CNBD1: variants seen among roughly 807,000 people sequenced by gnomAD.
CNBD1 encodes the protein cyclic nucleotide-binding domain-containing protein 1.
CNBD1 carries 71 observed loss-of-function variants against 54.4 expected under a neutral mutation model. That is an observed-to-expected ratio of 1.30 (90% CI 1.08 to 1.59). CNBD1 has a LOEUF of 1.59. Ranked by LOEUF, CNBD1 falls within the 40% of genes most tolerant of loss-of-function variation. CNBD1 has a pLI of 0.00. For synonymous variants in CNBD1, 182 were observed against 170.7 expected (o/e 1.07, Z -0.51); for missense variants, 659 against 518.0 (o/e 1.27, Z -2.64).
chr8:87,007,552 G>C (rs2130555030), intron 4 of CNBD1, among the ~76,000 whole-genome samples: 1 of 152,016 alleles, frequency 6.6e-6, no homozygotes, highest in South Asian at 2.1e-4. Context: ...ACTAAGATAA[G>C]TTTTCTTTGT....
intron 4 of CNBD1, among the ~76,000 whole-genome samples, chr8:86,965,860 T>C (rs568487710): frequency 1.3e-5 from 2 of 152,166 alleles, no homozygotes; most frequent in African/African-American, 4.8e-5. Flanking sequence ...CGTGGAGCCT[T>C]CAGTTCTCAA....
intron 2 of CNBD1, among the ~76,000 whole-genome samples, chr8:87,390,233 C>A (rs932812982): frequency 1.6e-4 from 24 of 151,992 alleles, no homozygotes; most frequent in Non-Finnish European, 2.8e-4. Flanking sequence ...GCAACAAAAG[C>A]CAAAATTGAC....
intron 4 of CNBD1, among the ~76,000 whole-genome samples, chr8:86,962,796 CA>C (rs1196243362): frequency 6.9e-6 from 1 of 145,908 alleles, no homozygotes; most frequent in Admixed American, 6.8e-5. Context: ...AAAAAAAACA[CA>C]AAAAACAAAA....
intron 4 of CNBD1, among the ~76,000 whole-genome samples, chr8:87,120,844 G>A (rs1811875165): frequency 6.6e-6 from 1 of 151,878 alleles, no homozygotes; most frequent in African/African-American, 2.4e-5. Context: ...ATGTTAATGA[G>A]AGCTATTAGT....
chr8:87,177,759 A>G (rs532571090), intron 4 of CNBD1, among the ~76,000 whole-genome samples: 1 of 152,100 alleles, frequency 6.6e-6, no homozygotes. Flanking sequence ...GTTCTTATTA[A>G]TTGATAATGT....
In CNBD1 at chr8:87,263,831, A is replaced by G. The variant is rs1049716588; in HGVS notation, c.772-20847A>G. On this transcript the variant is annotated intron_variant, in intron 6 of 10. Transcript: ENST00000518476. ...ATTAAATGTAAAACATTAGCAGGCA[A>G]CAGAGAAGATATACTAAGAGGAAAT... Among the ~76,000 whole-genome samples the G allele has an allele frequency of 6.6e-5, 10 of 152,140 alleles. 1 individual carries two copies. The highest frequency in any genetic ancestry group is 6.6e-4 in the Admixed American group (10 of 15,252).
chr8:87,395,565 G>T (rs192121648), intron 2 of CNBD1, among the ~76,000 whole-genome samples: 38 of 151,886 alleles, frequency 2.5e-4, no homozygotes, highest in African/African-American at 8.4e-4. Flanking sequence ...TAAAACAGTG[G>T]TACTAAACCT....
chr8:87,286,770 TATAA>T (rs2130871656), intron 8 of CNBD1, 99 bp downstream of exon 8: 5 of 794,262 alleles, frequency 6.3e-6, no homozygotes, highest in South Asian at 3.5e-5. Flanking sequence ...TATTTCTTCA[TATAA>T]ATATTCTCTA....
At chr8:87,278,051 T>C (rs1808520314) in intron 6 of CNBD1, among the ~76,000 whole-genome samples, 1 of 151,408 alleles carries the variant, frequency 6.6e-6, no homozygotes. Context: ...AATTAATAAC[T>C]CAATAGATGT....
At chr8:86,980,002 A>G (rs556358223) in intron 4 of CNBD1, among the ~76,000 whole-genome samples, 2 of 152,346 alleles carry the variant, frequency 1.3e-5, no homozygotes, top group East Asian at 3.9e-4. Context: ...TGCTAATTTA[A>G]GTGATTTTGT....
chr8:87,320,851 G>T (rs1329643015), intron 8 of CNBD1, among the ~76,000 whole-genome samples: 1 of 151,876 alleles, frequency 6.6e-6, no homozygotes, highest in African/African-American at 2.4e-5. Context: ...TATATTCATT[G>T]CACAGCAATT....
At chr8:87,346,053 G>A (rs369058945) in intron 8 of CNBD1, among the ~76,000 whole-genome samples, 3 of 146,182 alleles carry the variant, frequency 2.1e-5, no homozygotes, top group East Asian at 2.0e-4. Context: ...TCTTTTTTTT[G>A]TGGGGGGGAC....
chr8:87,089,046 G>T (rs954459874), intron 4 of CNBD1, among the ~76,000 whole-genome samples: 1 of 152,102 alleles, frequency 6.6e-6, no homozygotes, highest in African/African-American at 2.4e-5. Context: ...AACTAGTTGG[G>T]CTAGGCTTTA....
Position 86,939,703 on chromosome 8 carries a change from CA to C in CNBD1, c.385del (p.Arg129GlufsTer10). On this transcript the variant is annotated frameshift_variant, in exon 4 of 11. Transcript: ENST00000518476. LOFTEE classifies it high-confidence loss of function. ...CATGGTGGCCATATTTTATATAGACCAAAAAGAGCCACAGAGAAATTTGAAG... is the reference window on the plus strand; with the variant it reads ...CATGGTGGCCATATTTTATATAGACCAAAAGAGCCACAGAGAAATTTGAAG... ...RAHGGHILYR[P>X]KRATEKFEEF... 3 of 1,589,246 alleles carry C rather than the reference CA, an allele frequency of 1.9e-6. No individual in the cohort carries two copies. Among genetic ancestry groups the C allele is most frequent in the Middle Eastern group, 1.7e-4 (1 of 5,952 alleles).
chr8:86,898,323 A>T (rs1458066165), intron 2 of CNBD1, among the ~76,000 whole-genome samples: 1 of 148,362 alleles, frequency 6.7e-6, no homozygotes, highest in Non-Finnish European at 1.5e-5. Flanking sequence ...ATAAAATTCA[A>T]AGTAACTTAC....
chr8:87,422,918 C>T (rs559884897), intron 2 of CNBD1, among the ~76,000 whole-genome samples: 16 of 152,084 alleles, frequency 1.1e-4, no homozygotes, highest in Non-Finnish European at 2.9e-5. Flanking sequence ...ATGGAATGTT[C>T]TTCCGTTTGT....
intron 4 of CNBD1, among the ~76,000 whole-genome samples, chr8:87,012,972 A>G (rs1427511571): frequency 6.6e-6 from 1 of 152,224 alleles, no homozygotes; most frequent in African/African-American, 2.4e-5. Flanking sequence ...ATGGTCACTC[A>G]TATTTGGCTC....
chr8:86,973,328 C>T (rs182384551), intron 4 of CNBD1, among the ~76,000 whole-genome samples: 1 of 152,300 alleles, frequency 6.6e-6, no homozygotes, highest in East Asian at 1.9e-4. Flanking sequence ...TTTTAAACAT[C>T]TATCTATACA....
At chr8:87,380,461 A>C (rs975164471) in intron 10 of CNBD1, among the ~76,000 whole-genome samples, 2 of 151,822 alleles carry the variant, frequency 1.3e-5, no homozygotes, top group Non-Finnish European at 2.9e-5. Flanking sequence ...GATGTCTCCA[A>C]CTTCATCCTT....
Sources: allele counts gnomAD v4.1 joint callset (sites outside exome capture counted in the v4.1 genomes callset), GRCh38; gene constraint gnomAD v4.1.1; transcripts MANE v1.5; gene names NCBI Gene and HGNC (gene_info 2026-07-23, HGNC 2026-07-21).